Variants in CRB1 observed in about 807,000 individuals in gnomAD.
CRB1 encodes the protein protein crumbs homolog 1.
A neutral mutation model predicts 120.0 loss-of-function variants in CRB1; 83 were observed. The ratio of observed to expected loss-of-function variants is 0.69; its 90% CI spans 0.58 to 0.83. The LOEUF is 0.83. CRB1 is among the 40% of genes least tolerant of loss of function. The probability of loss-of-function intolerance (pLI) is 0.00; values close to 1 mark genes in which losing one functional copy is unlikely to be tolerated. For missense variants in CRB1, 1,699 were observed against 1,687.6 expected (o/e 1.01, Z -0.12); for synonymous variants, 625 against 612.5 (o/e 1.02, Z -0.30).
chr1:197,268,090 G>A (rs1470193665), upstream of CRB1: 1 of 337,418 alleles, frequency 3.0e-6, no homozygotes, highest in Non-Finnish European at 5.7e-6. Context: ...TTCTAATGTA[G>A]GCCCTTTTGA....
intron 2 of CRB1, among the ~76,000 whole-genome samples, chr1:197,340,121 A>G (rs1044170979): frequency 2.6e-5 from 4 of 152,312 alleles, no homozygotes; most frequent in African/African-American, 9.6e-5. Flanking sequence ...ATATATAGAC[A>G]TTTATATTAA....
At chr1:197,375,924 C>A (rs1446500168) in intron 5 of CRB1, among the ~76,000 whole-genome samples, 1 of 152,140 alleles carries the variant, frequency 6.6e-6, no homozygotes, top group African/African-American at 2.4e-5. Context: ...GTAACCTCCC[C>A]ATTAAGGCAG....
chr1:197,471,091 T>C, intron 11 of CRB1, among the ~76,000 whole-genome samples: 1 of 152,114 alleles, frequency 6.6e-6, no homozygotes, highest in East Asian at 1.9e-4. Context: ...TCTTCCTTCC[T>C]ATCATAGCTA....
At chr1:197,229,137 G>A in the CRB1 span, among the ~76,000 whole-genome samples, 2 of 152,078 alleles carry the variant, frequency 1.3e-5, no homozygotes, top group Non-Finnish European at 2.9e-5. Context: ...TCCTGATCTT[G>A]GACTTCCAGC....
rs145141811 is a variant in CRB1 at position 197,328,486 on chromosome 1, C to A, written c.135C>A (p.Cys45Ter). The change falls in exon 2 of 12, where the codon TGC (cysteine) becomes TGA (stop). Residue 45 changes from cysteine to a stop codon, truncating the protein, a stop_gained. Transcript: ENST00000367400. LOFTEE classifies it high-confidence loss of function. ...ATTCTTGCCAAAACAATTCTACATG[C>A]AAAGATTTTTCAAAAGACAATGATT... Reference protein sequence around the residue: ...LSNSCQNNSTCKDFSKDNDCS... With the variant: ...LSNSCQNNST The A allele has an allele frequency of 1.9e-6, 3 of 1,614,014 alleles. No individual in the cohort carries two copies. Among genetic ancestry groups the A allele is most frequent in the Non-Finnish European group, 1.7e-6 (2 of 1,180,000 alleles).
rs115073829 is a variant in CRB1 at position 197,431,630 on chromosome 1, C to T, written c.2842+2016C>T. Among the ~76,000 whole-genome samples the T allele has an allele frequency of 4.0e-3, 602 of 152,258 alleles. 1 individual carries two copies. The highest frequency in any genetic ancestry group is 1.0e-2 in the South Asian group (48 of 4,824). On this transcript the variant is annotated intron_variant, in intron 8 of 11. Coordinates refer to ENST00000367400, the MANE Select transcript of CRB1 (RefSeq NM_201253.3). Reference sequence around the variant, plus strand: ...GCCCCAAAACAGTATGCACACTGCTCTGCAATCTACACATCAAACAGTTTA... The same window carrying T: ...GCCCCAAAACAGTATGCACACTGCTTTGCAATCTACACATCAAACAGTTTA...
chr1:197,392,905 A>G (rs1662581321), intron 5 of CRB1, among the ~76,000 whole-genome samples: 1 of 152,102 alleles, frequency 6.6e-6, no homozygotes, highest in African/African-American at 2.4e-5. Flanking sequence ...CAAGTAGGGA[A>G]TCAGCTTATA....
chr1:197,440,079 C>T (rs867950825), intron 10 of CRB1: 2 of 152,150 alleles, frequency 1.3e-5, no homozygotes, highest in African/African-American at 2.4e-5. Context: ...TAACTGAGAT[C>T]GTTTAGTTGT....
the CRB1 span, among the ~76,000 whole-genome samples, chr1:197,219,581 T>C: frequency 3.3e-5 from 5 of 152,248 alleles, no homozygotes; most frequent in Non-Finnish European, 5.9e-5. Context: ...TAAGAGAGAT[T>C]GAGAAACTTG....
rs184848254 is a variant in CRB1, at chr1:197,355,415, G to A, written c.989-1416G>A. On this transcript the variant is annotated intron_variant, in intron 4 of 11. Coordinates refer to ENST00000367400, the MANE Select transcript of CRB1 (RefSeq NM_201253.3). ...CGCTGGCACTCCTCAGCCCTTGGGC[G>A]GTTGATGGGACCCGGCGCCGCGGAG... is the stretch of plus-strand genomic sequence containing the variant. Among the ~76,000 whole-genome samples, 167 of 152,336 alleles carry A rather than the reference G, an allele frequency of 1.1e-3. 1 individual carries two copies. The highest frequency in any genetic ancestry group is 3.7e-3 in the African/African-American group (153 of 41,578).
At chr1:197,255,208 C>T in the CRB1 span, among the ~76,000 whole-genome samples, 1 of 152,122 alleles carries the variant, frequency 6.6e-6, no homozygotes, top group Non-Finnish European at 1.5e-5. Flanking sequence ...CTGCCCTACC[C>T]TAGTTAGGCT....
upstream of CRB1, among the ~76,000 whole-genome samples, chr1:197,263,779 T>G (rs1231746468): frequency 6.6e-6 from 1 of 152,096 alleles, no homozygotes; most frequent in Admixed American, 6.5e-5. Flanking sequence ...CATTGATCTA[T>G]TCTAAAAAAA....
At chr1:197,249,505 AATG>A in the CRB1 span, among the ~76,000 whole-genome samples, 2 of 152,078 alleles carry the variant, frequency 1.3e-5, no homozygotes, top group South Asian at 4.1e-4. Context: ...AATGCTGTGG[AATG>A]ATAATTCATA....
chr1:197,453,852 TTAATATATATTAATATTATTAA>T (rs1296321022), intron 11 of CRB1, among the ~76,000 whole-genome samples: 4 of 141,952 alleles, frequency 2.8e-5, no homozygotes, highest in Non-Finnish European at 6.0e-5. Context: ...AATATTATTA[TTAATATATATTAATATTATTAA>T]TAATATATAT....
chr1:197,286,262 A>G (rs1283395683), intron 1 of CRB1, among the ~76,000 whole-genome samples: 2 of 151,930 alleles, frequency 1.3e-5, no homozygotes, highest in Non-Finnish European at 2.9e-5. Context: ...AATCGTAACA[A>G]CCTCATTTAT....
intron 11 of CRB1, among the ~76,000 whole-genome samples, chr1:197,448,682 T>C (rs943850832): frequency 1.3e-5 from 2 of 152,194 alleles, no homozygotes; most frequent in Admixed American, 1.3e-4. Context: ...TTTCAGATCT[T>C]GTATAGACTC....
At chr1:197,345,826 A>T (rs1659739844) in intron 3 of CRB1, among the ~76,000 whole-genome samples, 1 of 152,098 alleles carries the variant, frequency 6.6e-6, no homozygotes, top group Admixed American at 6.5e-5. Flanking sequence ...TTAATAGAAC[A>T]ATGTGGTTGT....
intron 2 of CRB1, among the ~76,000 whole-genome samples, chr1:197,341,395 T>C (rs1206034656): frequency 6.6e-6 from 1 of 151,860 alleles, no homozygotes; most frequent in African/African-American, 2.4e-5. Flanking sequence ...ATACAAAAAT[T>C]AGCCAAGCAT....
chr1:197,381,815 A>G (rs966582177), intron 5 of CRB1, among the ~76,000 whole-genome samples: 8 of 152,366 alleles, frequency 5.3e-5, no homozygotes, highest in Admixed American at 4.6e-4. Context: ...GGTGAAGTCA[A>G]CTACATACCA....
Sources: gnomAD v4.1 joint callset for allele counts (sites outside exome capture counted in the v4.1 genomes callset) on GRCh38, gnomAD v4.1.1 for gene constraint, MANE v1.5 for transcripts, NCBI Gene and HGNC (gene_info 2026-07-23, HGNC 2026-07-21) for gene names.